The following PTPN5 variants were observed in gnomAD, a reference collection of about 807,000 sequenced individuals.
PTPN5 encodes the protein protein tyrosine phosphatase non-receptor type 5.
Under a neutral mutation model 73.9 loss-of-function variants are expected in PTPN5, and 29 were observed. The observed-to-expected ratio is 0.39, with a 90% CI of 0.29 to 0.54. The LOEUF is 0.54. Among genes scored for constraint, PTPN5 ranks in the 20% least tolerant of loss-of-function variants. PTPN5 has a pLI of 0.65. For missense variants in PTPN5, 652 were observed against 751.4 expected (o/e 0.87, Z 1.55); for synonymous variants, 267 against 304.7 (o/e 0.88, Z 1.29).
At chr11:18,751,655 C>T (rs1409632799) in intron 3 of PTPN5, among the ~76,000 whole-genome samples, 1 of 152,188 alleles carries the variant, frequency 6.6e-6, no homozygotes, top group Non-Finnish European at 1.5e-5. Context: ...TTAATCTCCA[C>T]ACTCTCCAGG....
Position 18,744,098 on chromosome 11 carries a change from C to A in PTPN5, c.199G>T (p.Asp67Tyr), listed in dbSNP as rs905008537. 54 of 1,611,712 alleles carry A rather than the reference C, an allele frequency of 3.4e-5. No individual in the cohort carries two copies. The highest frequency in any genetic ancestry group is 1.6e-4 in the Middle Eastern group (1 of 6,066). The change falls in exon 4 of 15, where the codon GAT becomes TAT. Residue 67 changes from aspartate to tyrosine, a missense_variant. By Grantham distance (160) the Asp-to-Tyr change is radical. Around this residue, in one of 3 missense-constraint regions of PTPN5, gnomAD observed 529 missense variants for 573.9 expected, o/e 0.92. Transcript: ENST00000358540. ...CGAGGTGGTGGCTTCTGAGCTGGATCTGAGGGCGGCGAGGGAGGAGGGGGT... is the reference window on the plus strand; with the variant it reads ...CGAGGTGGTGGCTTCTGAGCTGGATATGAGGGCGGCGAGGGAGGAGGGGGT... ...PPPPPPSPPS[D>Y]PAQKPPPRGA...
intron 3 of PTPN5, among the ~76,000 whole-genome samples, chr11:18,755,731 C>T (rs1026275861): frequency 3.3e-5 from 5 of 152,006 alleles, no homozygotes; most frequent in Admixed American, 2.0e-4. Flanking sequence ...TTGGGCCTGA[C>T]GCGGTGGCTC....
chr11:18,734,419 G>A (rs887258885), intron 9 of PTPN5, among the ~76,000 whole-genome samples: 3 of 152,218 alleles, frequency 2.0e-5, no homozygotes, highest in Non-Finnish European at 4.4e-5. Context: ...CTGGGCCCAA[G>A]TGATCCTCCT....
At chr11:18,769,936 G>A (rs1034269917) in intron 2 of PTPN5, among the ~76,000 whole-genome samples, 7 of 152,076 alleles carry the variant, frequency 4.6e-5, no homozygotes, top group Admixed American at 2.6e-4. Context: ...CTGGGGTGGC[G>A]GGGGAAGCCC....
At chr11:18,737,985 G>T in intron 8 of PTPN5, 21 bp from the exon 9 acceptor site, 1 of 1,602,624 alleles carries the variant, frequency 6.2e-7, no homozygotes, top group South Asian at 1.1e-5. Context: ...AGGACACGGG[G>T]TGTGAGCAGC....
At chr11:18,787,770 C>T (rs1311431077) in intron 1 of PTPN5, among the ~76,000 whole-genome samples, 1 of 152,206 alleles carries the variant, frequency 6.6e-6, no homozygotes, top group Admixed American at 6.5e-5. Flanking sequence ...CAAAGCACTG[C>T]TCACCACCTG....
At chr11:18,754,791 C>A (rs923835899) in intron 3 of PTPN5, among the ~76,000 whole-genome samples, 1 of 152,228 alleles carries the variant, frequency 6.6e-6, no homozygotes, top group Non-Finnish European at 1.5e-5. Context: ...ACTTTTCTCT[C>A]ATTGTAGGTG....
Position 18,733,562 on chromosome 11 carries a change from G to A in PTPN5, c.1074C>T (p.Tyr358=). Residue 358 remains tyrosine, a synonymous_variant, in exon 10 of 15, where the codon TAC becomes TAT. Coordinates refer to ENST00000358540, the MANE Select transcript of PTPN5 (RefSeq NM_006906.2). The surrounding 1 kb of genome is among the most constrained non-coding windows in gnomAD (Gnocchi z 4.3). ...TCAGGGTGGGAATACGTACCCGGAT[G>A]TAGTTGGCATTGATGTAGGAACTCA... is the stretch of plus-strand genomic sequence containing the variant. ...DPLSSYINAN[Y]IRGYGGEEKV... 6.2e-7 allele frequency: 1 copy of A among 1,614,212 alleles called. No individual in the cohort carries two copies. Among genetic ancestry groups the A allele is most frequent in the Non-Finnish European group, 8.5e-7 (1 of 1,180,012 alleles).
At chr11:18,734,726 C>T (rs1160275496) in intron 9 of PTPN5, among the ~76,000 whole-genome samples, 1 of 152,184 alleles carries the variant, frequency 6.6e-6, no homozygotes, top group Non-Finnish European at 1.5e-5. Flanking sequence ...GAGGCCAAGA[C>T]TGAGGTTGTA....
At chr11:18,783,575 T>G (rs553558594) in intron 1 of PTPN5, among the ~76,000 whole-genome samples, 2 of 152,344 alleles carry the variant, frequency 1.3e-5, no homozygotes, top group South Asian at 4.1e-4. Flanking sequence ...TCAAGCTCTC[T>G]GTTTCCTCAC....
intron 3 of PTPN5, among the ~76,000 whole-genome samples, chr11:18,761,794 C>G (rs1446179471): frequency 6.6e-6 from 1 of 152,082 alleles, no homozygotes; most frequent in Admixed American, 6.5e-5. Flanking sequence ...AAGCACATCA[C>G]CAGGAAGCAT....
At chr11:18,771,514 T>A (rs1278714659) in intron 2 of PTPN5, among the ~76,000 whole-genome samples, 1 of 152,206 alleles carries the variant, frequency 6.6e-6, no homozygotes. Context: ...TAGCTGTGTA[T>A]GCACCTGCCT....
intron 12 of PTPN5, among the ~76,000 whole-genome samples, 156 bp downstream of exon 12, chr11:18,732,436 T>C (rs1366358688): frequency 6.6e-6 from 1 of 152,174 alleles, no homozygotes; most frequent in African/African-American, 2.4e-5. Flanking sequence ...CCCAAGTCCA[T>C]TCACCTCTCA....
At chr11:18,740,907 G>C in intron 7 of PTPN5, 115 bp from the exon 8 acceptor site, 1 of 582,876 alleles carries the variant, frequency 1.7e-6, no homozygotes, top group Non-Finnish European at 2.8e-6. Flanking sequence ...ACAGGGTGGG[G>C]TTGAGGAAGA....
chr11:18,758,711 G>C (rs1390147849), intron 3 of PTPN5, among the ~76,000 whole-genome samples: 4 of 151,644 alleles, frequency 2.6e-5, no homozygotes, highest in Non-Finnish European at 5.9e-5. Context: ...AAGAATTCCT[G>C]AGAGCTGGGG....
At position 18,733,145 on chromosome 11, in the gene PTPN5, T is replaced by A; in HGVS notation, c.1218+90A>T. The A allele has an allele frequency of 6.5e-7, 1 of 1,538,230 alleles. No homozygotes were observed. The highest frequency in any genetic ancestry group is 8.8e-7 in the Non-Finnish European group (1 of 1,135,262). On this transcript the variant is annotated intron_variant, in intron 11 of 14. Coordinates refer to ENST00000358540, the MANE Select transcript of PTPN5 (RefSeq NM_006906.2). This position sits in a 1 kb window ranked among gnomAD's most constrained non-coding sequence, Gnocchi z 4.3. ...AGCGGAGTGAACACCGCCGACCTCT[T>A]GAGATTGTCATAAAGATTAATTTGA...
intron 3 of PTPN5, among the ~76,000 whole-genome samples, chr11:18,759,865 C>T (rs1341195275): frequency 6.6e-6 from 1 of 152,168 alleles, no homozygotes; most frequent in African/African-American, 2.4e-5. Flanking sequence ...CACAGACCAG[C>T]TTAAACCAAT....
intron 9 of PTPN5, among the ~76,000 whole-genome samples, chr11:18,736,250 C>T (rs1849108258): frequency 6.6e-6 from 1 of 152,206 alleles, no homozygotes. Context: ...CCAGCCTGGT[C>T]AACAGAGCAA....
chr11:18,743,542 T>A, intron 4 of PTPN5, 113 bp from the exon 5 acceptor site: 1 of 954,132 alleles, frequency 1.0e-6, no homozygotes, highest in Non-Finnish European at 1.7e-6. Context: ...CCTGAACCTC[T>A]AAGGTCCAGA....
Sources: allele counts gnomAD v4.1 joint callset (sites outside exome capture counted in the v4.1 genomes callset), GRCh38; gene constraint gnomAD v4.1.1; regional missense constraint gnomAD v4.1.1; non-coding constraint Gnocchi (gnomAD v3.1); transcripts MANE v1.5; gene names NCBI Gene and HGNC (gene_info 2026-07-23, HGNC 2026-07-21).